The following PNISR variants were observed in gnomAD, a reference collection of about 807,000 sequenced individuals.
PNISR encodes arginine/serine-rich protein PNISR.
In PNISR, 20 loss-of-function variants were observed where a neutral mutation model predicts 93.4. That is an observed-to-expected ratio of 0.21 (90% CI 0.15 to 0.31). The LOEUF is 0.31. Ranked by LOEUF, PNISR falls within the 10% of genes least tolerant of loss-of-function variation. The pLI is 1.00. For missense variants in PNISR, 893 were observed against 985.4 expected, an observed-to-expected ratio of 0.91 and a Z score of 1.25; for synonymous variants, 305 against 306.5, an observed-to-expected ratio of 0.99 and a Z score of 0.05.
chr6:99,413,960 TAACAA>T (rs770749185), intron 3 of PNISR, among the ~76,000 whole-genome samples: 2 of 152,178 alleles, frequency 1.3e-5, no homozygotes, highest in Non-Finnish European at 2.9e-5. Flanking sequence ...AAACTTTAAA[TAACAA>T]AACACCCAAA....
chr6:99,412,848 G>T, intron 3 of PNISR, 109 bp from the exon 4 acceptor site: 1 of 691,692 alleles, frequency 1.4e-6, no homozygotes, highest in Non-Finnish European at 2.2e-6. Flanking sequence ...AAATATTTCA[G>T]ACAGAGAGGG....
chr6:99,423,108 T>C (rs1243693461), intron 1 of PNISR, among the ~76,000 whole-genome samples: 2 of 150,704 alleles, frequency 1.3e-5, no homozygotes, highest in African/African-American at 2.4e-5. Context: ...AAAAGATGAG[T>C]CTGGGGCATG....
intron 7 of PNISR, among the ~76,000 whole-genome samples, chr6:99,406,603 C>T (rs779636652): frequency 3.9e-5 from 6 of 152,066 alleles, no homozygotes; most frequent in African/African-American, 7.2e-5. Context: ...TAAAGTTGCA[C>T]GACTTAAAAT....
At chr6:99,403,441 T>C (rs1484807672) in intron 10 of PNISR, 13 of 154,052 alleles carry the variant, frequency 8.4e-5, no homozygotes, top group Admixed American at 6.5e-5. Context: ...CATTAGTGGA[T>C]AGGTTCTTCC....
intron 6 of PNISR, 139 bp downstream of exon 6, chr6:99,409,034 C>CT: frequency 1.5e-6 from 1 of 668,584 alleles, no homozygotes; most frequent in Non-Finnish European, 2.6e-6. Flanking sequence ...TAATTTTAAG[C>CT]TTTATGACCA....
intron 1 of PNISR, among the ~76,000 whole-genome samples, chr6:99,417,989 A>G (rs1255289524): frequency 7.1e-6 from 1 of 140,836 alleles, no homozygotes; most frequent in African/African-American, 2.6e-5. Flanking sequence ...AAAAAAAAAA[A>G]GTGATCAAGC....
chr6:99,420,187 C>T (rs1030810387), intron 1 of PNISR, among the ~76,000 whole-genome samples: 2 of 152,160 alleles, frequency 1.3e-5, no homozygotes, highest in African/African-American at 2.4e-5. Context: ...CGGCCCATAA[C>T]TGCATTCTTA....
At chr6:99,413,391 T>TATCC (rs34008318) in intron 3 of PNISR, among the ~76,000 whole-genome samples, 13,798 of 149,552 alleles carry the variant, frequency 0.092, 705 homozygotes, top group Middle Eastern at 0.14. Flanking sequence ...TTTACGTATC[T>TATCC]ATCCATCCAT....
intron 1 of PNISR, 50 bp downstream of exon 1, chr6:99,425,165 G>A (rs1779335675): frequency 1.7e-6 from 2 of 1,167,826 alleles, no homozygotes; most frequent in South Asian, 4.4e-5. Context: ...AACCAAGAAC[G>A]TTGTAATGGT....
Position 99,401,536 on chromosome 6 carries a change from T to C in PNISR, c.1422A>G (p.Ala474=), listed in dbSNP as rs1195906401. 1 of 1,611,658 alleles carries C rather than the reference T, an allele frequency of 6.2e-7. No individual in the cohort carries two copies. Residue 474 remains alanine (A), a synonymous_variant, in exon 12 of 12, where the codon GCA becomes GCG. Coordinates refer to ENST00000369239, the MANE Select transcript of PNISR (RefSeq NM_032870.4). ...NSLSLLEARE[A]DGDVVNEKKR... is the part of the protein sequence containing the mutation. ...TCTTTTCATTAACCACATCACCGTC[T>C]GCTTCTCTTGCTTCTAGTAGTGATA...
chr6:99,425,060 C>T (rs1317375362), intron 1 of PNISR, 155 bp downstream of exon 1: 1 of 418,926 alleles, frequency 2.4e-6, no homozygotes, highest in Non-Finnish European at 4.1e-6. Flanking sequence ...TTTACCAAGT[C>T]TGGCGGACCG....
Position 99,414,656 on chromosome 6 carries a change from A to C in PNISR, c.4T>G (p.Trp2Gly), listed in dbSNP as rs1214015798. Residue 2 changes from tryptophan to glycine, a missense_variant, in exon 3 of 12, where the codon TGG becomes GGG. Transcript: ENST00000369239. Reference protein sequence around the residue: MWDQGGQPWQQW... With the variant: MGDQGGQPWQQW... ...TGCCAAGGCTGTCCTCCTTGATCCCACATCCCTTCTTTTAAAATATACTTG... is the reference window on the plus strand; with the variant it reads ...TGCCAAGGCTGTCCTCCTTGATCCCCCATCCCTTCTTTTAAAATATACTTG... 6.3e-7 allele frequency: 1 copy of C among 1,585,598 alleles called. No individual in the cohort carries two copies. Among genetic ancestry groups the C allele is most frequent in the Non-Finnish European group, 8.6e-7 (1 of 1,159,958 alleles).
Position 99,406,183 on chromosome 6 carries a change from A to G in PNISR, c.865-15T>C, listed in dbSNP as rs745495925. The G allele has an allele frequency of 4.5e-6, 7 of 1,569,500 alleles. No homozygotes were observed. Among genetic ancestry groups the G allele is most frequent in the Non-Finnish European group, 6.1e-6 (7 of 1,145,648 alleles). The stretch of plus-strand genomic sequence containing the variant: ...TCATCACTATCCTATAAAAAACAAT[A>G]GTATGGTAGTCCAAATTCATGTGTA... On this transcript the variant is annotated splice_polypyrimidine_tract_variant and intron_variant, in intron 7 of 11. Transcript: ENST00000369239.
In PNISR at chr6:99,398,713, C is replaced by G. The variant is rs1403863648; in HGVS notation, c.*1827G>C. 1.3e-5 allele frequency: 2 copies of G among 152,020 alleles called. No individual in the cohort carries two copies. Among genetic ancestry groups the G allele is most frequent in the Non-Finnish European group, 2.9e-5 (2 of 67,918 alleles). The allele number at this position is 152,020 out of a possible 1,614,324, so 9.4% of individuals were successfully genotyped here. A position where few individuals can be genotyped will look rare whatever the true frequency, so the allele number is the denominator to read the frequency against. ...TTCACTTCAAGATTGATCTAAAAAA[C>G]ATTTTAAGATATGAAAATGTTATAC... On this transcript the variant is annotated 3_prime_UTR_variant, in exon 12 of 12. Transcript: ENST00000369239.
intron 1 of PNISR, among the ~76,000 whole-genome samples, chr6:99,416,982 TAAATA>T (rs1207121496): frequency 6.6e-6 from 1 of 152,180 alleles, no homozygotes; most frequent in East Asian, 1.9e-4. Context: ...TAGCAGACAC[TAAATA>T]AATAATCAGT....
At position 99,399,082 on chromosome 6, in the gene PNISR, TG is replaced by T. The variant is rs1436995277; in HGVS notation, c.*1457del. Reference sequence around the variant, plus strand: ...TTCTATCTTCATGTTGAGGAAACACTGATCTTGGCAAAAATCTGGCATGATT... The same window carrying T: ...TTCTATCTTCATGTTGAGGAAACACTATCTTGGCAAAAATCTGGCATGATT... On this transcript the variant is annotated 3_prime_UTR_variant, in exon 12 of 12. Transcript: ENST00000369239. 1 of 152,110 alleles carries T rather than the reference TG, an allele frequency of 6.6e-6. No individual in the cohort carries two copies. The highest frequency in any genetic ancestry group is 1.5e-5 in the Non-Finnish European group (1 of 67,948). The allele number at this position is 152,110 out of a possible 1,614,324, so 9.4% of individuals were successfully genotyped here.
rs886928660 is a variant in PNISR at position 99,425,220 on chromosome 6, C to G, written c.-117G>C. ...AATTGTTCTCCATCACTTACCCACT[C>G]TAGTTCGGGAACACCCTTGTCGCCG... On this transcript the variant is annotated 5_prime_UTR_variant, in exon 1 of 12. Transcript: ENST00000369239. 7 of 1,231,954 alleles carry G rather than the reference C, an allele frequency of 5.7e-6. No individual in the cohort carries two copies. Among genetic ancestry groups the G allele is most frequent in the South Asian group, 4.1e-5 (1 of 24,318 alleles). 76.3% of individuals were successfully genotyped at this position (1,231,954 alleles called of 1,614,324 possible).
At chr6:99,413,791 C>CATAT (rs1777298915) in intron 3 of PNISR, among the ~76,000 whole-genome samples, 1 of 946 alleles carries the variant, frequency 1.1e-3, no homozygotes, top group African/African-American at 1.2e-3. Context: ...TAGGTATTCT[C>CATAT]AGTTTGAAAC....
At chr6:99,408,786 A>C (rs921395238) in intron 6 of PNISR, among the ~76,000 whole-genome samples, 2 of 152,230 alleles carry the variant, frequency 1.3e-5, no homozygotes, top group African/African-American at 2.4e-5. Context: ...TAACCAGAGG[A>C]AAATTAATCT....
Sources: allele counts gnomAD v4.1 joint callset (sites outside exome capture counted in the v4.1 genomes callset), GRCh38; gene constraint gnomAD v4.1.1; transcripts MANE v1.5; gene names NCBI Gene and HGNC (gene_info 2026-07-23, HGNC 2026-07-21).